Variants in NINL observed in about 807,000 individuals in gnomAD.
NINL encodes the protein ninein-like protein.
In NINL, 153 loss-of-function variants were observed where a neutral mutation model predicts 160.3. The observed-to-expected ratio is 0.95, with a 90% CI of 0.84 to 1.09. The LOEUF (loss-of-function observed/expected upper bound fraction) is 1.09. NINL is among the 50% of genes least tolerant of loss of function. The probability of loss-of-function intolerance (pLI) is 0.00; values close to 1 mark genes in which losing one functional copy is unlikely to be tolerated. For synonymous variants in NINL, 800 were observed against 734.8 expected, an observed-to-expected ratio of 1.09 and a Z score of -1.43; for missense variants, 1,829 against 1,764.0, an observed-to-expected ratio of 1.04 and a Z score of -0.66.
chr20:25,547,477 C>A (rs557354463), intron 1 of NINL, among the ~76,000 whole-genome samples: 27 of 152,252 alleles, frequency 1.8e-4, no homozygotes, highest in African/African-American at 6.0e-4. Flanking sequence ...ACGTGGGACT[C>A]ATGACTGCCT....
At chr20:25,490,093 A>T in intron 11 of NINL, 108 bp from the exon 12 acceptor site, 1 of 965,464 alleles carries the variant, frequency 1.0e-6, no homozygotes, top group South Asian at 1.4e-5. Flanking sequence ...TCAGGAAAGA[A>T]CCCCCACCCA....
intron 1 of NINL, among the ~76,000 whole-genome samples, chr20:25,566,649 C>T (rs1423557074): frequency 6.6e-6 from 1 of 152,120 alleles, no homozygotes; most frequent in African/African-American, 2.4e-5. Flanking sequence ...TTGTAACAGA[C>T]CCGGCATGGT....
At chr20:25,464,720 C>A (rs954422026) in intron 19 of NINL, among the ~76,000 whole-genome samples, 9 of 152,212 alleles carry the variant, frequency 5.9e-5, no homozygotes, top group African/African-American at 2.2e-4. Context: ...TGTCAACGAG[C>A]CTGGCAGCAT....
intron 13 of NINL, among the ~76,000 whole-genome samples, chr20:25,485,579 T>C (rs1568893697): frequency 6.6e-6 from 1 of 152,214 alleles, no homozygotes; most frequent in Non-Finnish European, 1.5e-5. Flanking sequence ...CTTTTTCTTA[T>C]TAGGTTATGT....
intron 7 of NINL, among the ~76,000 whole-genome samples, chr20:25,501,638 T>C (rs1393786357): frequency 6.6e-6 from 1 of 152,228 alleles, no homozygotes; most frequent in Non-Finnish European, 1.5e-5. Flanking sequence ...TGGCCTTACA[T>C]GGCTGCCTGA....
chr20:25,542,699 A>T (rs1022152711), intron 1 of NINL, among the ~76,000 whole-genome samples: 1 of 6,722 alleles, frequency 1.5e-4, no homozygotes, highest in Non-Finnish European at 5.4e-4. Flanking sequence ...GCTTTCACTA[A>T]AAAAAAAAAA....
chr20:25,491,456 C>T lies in NINL; in HGVS notation c.1380G>A (p.Leu460=). The T allele has an allele frequency of 6.2e-7, 1 of 1,614,076 alleles. No homozygotes were observed. Among genetic ancestry groups the T allele is most frequent in the Non-Finnish European group, 8.5e-7 (1 of 1,180,020 alleles). ...TCTGCCTGTGGGCCTGCTCCCAGAA[C>T]AGCTCTCGCTCCGCCTCCACCTCAG... The part of the protein sequence containing the change: ...LRSEVEAERE[L]FWEQAHRQRA... Residue 460 remains leucine, a synonymous_variant, in exon 11 of 24, where the codon CTG becomes CTA. Coordinates refer to ENST00000278886, the MANE Select transcript of NINL (RefSeq NM_025176.6).
At chr20:25,550,160 C>T (rs1276638269) in intron 1 of NINL, among the ~76,000 whole-genome samples, 1 of 152,212 alleles carries the variant, frequency 6.6e-6, no homozygotes, top group Non-Finnish European at 1.5e-5. Flanking sequence ...GTAGGAAGAC[C>T]ACCTGAGGCC....
chr20:25,577,944 T>C (rs888005914), intron 1 of NINL, among the ~76,000 whole-genome samples: 1 of 151,908 alleles, frequency 6.6e-6, no homozygotes, highest in African/African-American at 2.4e-5. Flanking sequence ...GAGATTCTCC[T>C]GCCTCAGCCT....
At chr20:25,517,722 T>A in intron 3 of NINL, 31 bp downstream of exon 3, 3 of 1,486,268 alleles carry the variant, frequency 2.0e-6, no homozygotes, top group Non-Finnish European at 2.7e-6. Flanking sequence ...AAACAAATAA[T>A]GAAAAGAAAA....
intron 1 of NINL, among the ~76,000 whole-genome samples, chr20:25,553,822 TCA>T (rs912669434): frequency 6.6e-6 from 1 of 152,256 alleles, no homozygotes; most frequent in African/African-American, 2.4e-5. Context: ...TGCTCCCTGC[TCA>T]CTCTGCCCAA....
rs2147147965 is a variant in NINL, at chr20:25,564,786, T to C, written c.-12+20669A>G. Among the ~76,000 whole-genome samples the C allele has an allele frequency of 1.4e-5, 2 of 139,914 alleles. 1 individual carries two copies. Among genetic ancestry groups the C allele is most frequent in the South Asian group, 5.0e-4 (2 of 4,040 alleles). The allele number at this position is 139,914 out of a possible 152,430, so 91.8% of individuals were successfully genotyped here. On this transcript the variant is annotated intron_variant, in intron 1 of 23. Transcript: ENST00000278886. ...CATGTAAAGAGCCTGAAAGGTGCCA[T>C]TTAAGTCCTCCCCACAATTAAAAAA...
chr20:25,531,585 C>T (rs940722718), intron 1 of NINL, among the ~76,000 whole-genome samples: 6 of 152,176 alleles, frequency 3.9e-5, no homozygotes, highest in Admixed American at 1.3e-4. Context: ...TGACTTCAGC[C>T]GGTCCCTCCG....
intron 1 of NINL, among the ~76,000 whole-genome samples, chr20:25,580,432 C>A (rs2065161605): frequency 6.6e-6 from 1 of 152,068 alleles, no homozygotes; most frequent in Admixed American, 6.6e-5. Context: ...AACTTGATTG[C>A]TTCAGAGGTA....
chr20:25,505,591 G>C (rs2063947268), intron 5 of NINL, among the ~76,000 whole-genome samples: 2 of 152,176 alleles, frequency 1.3e-5, no homozygotes, highest in African/African-American at 4.8e-5. Context: ...ATTTTTATTT[G>C]TCAATCACAC....
Position 25,512,815 on chromosome 20 carries a change from G to C in NINL, c.450+19C>G, listed in dbSNP as rs769632122. The stretch of plus-strand genomic sequence containing the variant: ...TTCCCAACACTGGGCAGCTGGGGTG[G>C]GAGAGGGGCCTGACCCACCTCCACG... On this transcript the variant is annotated intron_variant, in intron 4 of 23. Transcript: ENST00000278886. 1 of 1,592,126 alleles carries C rather than the reference G, an allele frequency of 6.3e-7. No individual in the cohort carries two copies. The highest frequency in any genetic ancestry group is 8.6e-7 in the Non-Finnish European group (1 of 1,167,906).
At chr20:25,509,705 A>G (rs1250797318) in intron 5 of NINL, 3 of 456,632 alleles carry the variant, frequency 6.6e-6, no homozygotes, top group Non-Finnish European at 1.3e-5. Flanking sequence ...TCTTGCAGGC[A>G]TCATGTAAGT....
chr20:25,509,722 T>C, intron 5 of NINL: 1 of 456,780 alleles, frequency 2.2e-6, no homozygotes, highest in South Asian at 1.5e-5. Context: ...AAGTCAGCAG[T>C]AACTTCCACA....
At chr20:25,490,272 G>A (rs2063597721) in intron 11 of NINL, among the ~76,000 whole-genome samples, 1 of 152,194 alleles carries the variant, frequency 6.6e-6, no homozygotes, top group African/African-American at 2.4e-5. Context: ...TACGAGAAAG[G>A]GTGGAGAGCC....
Sources: allele counts gnomAD v4.1 joint callset (sites outside exome capture counted in the v4.1 genomes callset), GRCh38; gene constraint gnomAD v4.1.1; transcripts MANE v1.5; gene names NCBI Gene and HGNC (gene_info 2026-07-23, HGNC 2026-07-21).